The following PCDHGB4 variants were observed in gnomAD, a reference collection of about 807,000 sequenced individuals.
PCDHGB4 encodes the protein protocadherin gamma subfamily B, 4, also known as protocadherin gamma-B4.
In PCDHGB4, 38 loss-of-function variants were observed where a neutral mutation model predicts 60.5. The ratio of observed to expected loss-of-function variants is 0.63; its 90% CI spans 0.48 to 0.82. The LOEUF (loss-of-function observed/expected upper bound fraction) is 0.82, where lower values mean the gene tolerates loss of function less well. Ranked by LOEUF, PCDHGB4 falls within the 40% of genes least tolerant of loss-of-function variation. PCDHGB4 has a pLI of 0.00. For synonymous variants in PCDHGB4, 456 were observed against 509.7 expected (o/e 0.89, Z 1.42); for missense variants, 1,109 against 1,209.6 (o/e 0.92, Z 1.23).
chr5:141,400,232 C>T (rs2093984634), intron 1 of PCDHGB4: 1 of 1,614,032 alleles, frequency 6.2e-7, no homozygotes. Context: ...TTCCTCCTGG[C>T]CGTGATTCTG....
chr5:141,511,082 C>T lies in PCDHGB4; in HGVS notation c.2681C>T (p.Thr894Ile). Residue 894 changes from threonine to isoleucine, a missense_variant, in exon 4 of 4, where the codon ACA (threonine) becomes ATA (isoleucine). By Grantham distance (89) the Thr-to-Ile change is moderately conservative. This residue lies in a region of PCDHGB4 where 1,068 missense variants were observed against 1,089.9 expected (regional missense o/e 0.98). Transcript: ENST00000519479. ...QNVYIPGSNA[T>I]LTNAAGKRDG... ...GTCTACATCCCAGGCAGCAATGCCA[C>T]ACTGACCAACGCAGCTGGCAAGCGG... 1 of 1,614,224 alleles carries T rather than the reference C, an allele frequency of 6.2e-7. No individual in the cohort carries two copies. Among genetic ancestry groups the T allele is most frequent in the Non-Finnish European group, 8.5e-7 (1 of 1,180,028 alleles).
chr5:141,388,701 G>A lies in PCDHGB4; in HGVS notation c.817G>A (p.Val273Ile). 1.9e-6 allele frequency: 3 copies of A among 1,613,986 alleles called. No homozygotes were observed. Among genetic ancestry groups the A allele is most frequent in the South Asian group, 1.1e-5 (1 of 91,082 alleles). Reference sequence around the variant, plus strand: ...GACTGCCACGGACCAGGATGAGGGTGTCAATGCCGAGATTACTTTCTCTTT... The same window carrying A: ...GACTGCCACGGACCAGGATGAGGGTATCAATGCCGAGATTACTTTCTCTTT... ...QVTATDQDEGVNAEITFSFSE... is the reference protein window; with the variant it reads ...QVTATDQDEGINAEITFSFSE... Residue 273 changes from valine (V) to isoleucine (I), a missense_variant, in exon 1 of 4, where the codon GTC (valine) becomes ATC (isoleucine). Physicochemically the swap from Val to Ile is conservative, Grantham distance 29 (BLOSUM62 3). Transcript: ENST00000519479.
intron 1 of PCDHGB4, chr5:141,399,854 G>T (rs747617678): frequency 6.2e-7 from 1 of 1,612,904 alleles, no homozygotes; most frequent in Non-Finnish European, 8.5e-7. Flanking sequence ...ATGGTGCCGC[G>T]CGCTGCAGAG....
At chr5:141,444,873 C>T (rs1298516499) in intron 1 of PCDHGB4, among the ~76,000 whole-genome samples, 1 of 152,080 alleles carries the variant, frequency 6.6e-6, no homozygotes, top group African/African-American at 2.4e-5. Flanking sequence ...CAGGACAAAG[C>T]TTGTAGGATT....
At chr5:141,428,004 G>A in intron 1 of PCDHGB4, 1 of 1,601,732 alleles carries the variant, frequency 6.2e-7, no homozygotes, top group Non-Finnish European at 8.5e-7. Flanking sequence ...CGCACTCTTC[G>A]ATATAGTGCC....
At chr5:141,395,586 G>C (rs1222744910) in intron 1 of PCDHGB4, 1 of 169,736 alleles carries the variant, frequency 5.9e-6, no homozygotes, top group African/African-American at 2.8e-5. Context: ...GTGTGTGTGT[G>C]TGTGTATCCC....
At position 141,404,471 on chromosome 5, in the gene PCDHGB4, A is replaced by G. The variant is rs200620626; in HGVS notation, c.2397+14190A>G. ...GTCTCCTCTCTCCACCTATGTCTCT[A>G]TTAACTCAGACACTGGTGTGCTGTA... On this transcript the variant is annotated intron_variant, in intron 1 of 3. Coordinates refer to ENST00000519479, the MANE Select transcript of PCDHGB4 (RefSeq NM_003736.4). 307 of 1,613,160 alleles carry G rather than the reference A, an allele frequency of 1.9e-4. No homozygotes were observed. Among genetic ancestry groups the G allele is most frequent in the Non-Finnish European group, 2.5e-4 (293 of 1,179,322 alleles).
chr5:141,405,339 A>T (rs980651625), intron 1 of PCDHGB4: 12 of 1,614,060 alleles, frequency 7.4e-6, no homozygotes, highest in Non-Finnish European at 1.0e-5. Context: ...GTCTCTGTTG[A>T]TTCCAAGTTT....
chr5:141,421,464 T>A lies in PCDHGB4; in HGVS notation c.2397+31183T>A, dbSNP rs773727821. ...GGAAGACACAGCTTTTCGCTGTGAA[T>A]CCGCGAAGCGGCAGCTTGATCACGG... On this transcript the variant is annotated intron_variant, in intron 1 of 3. Transcript: ENST00000519479. 17 of 1,613,972 alleles carry A rather than the reference T, an allele frequency of 1.1e-5. No individual in the cohort carries two copies. In the East Asian group the frequency reaches 3.6e-4, roughly 34 times the overall value.
In PCDHGB4 at chr5:141,477,250, C is replaced by G; in HGVS notation, c.2398-17557C>G. 6.2e-7 allele frequency: 1 copy of G among 1,614,190 alleles called. No homozygotes were observed. The highest frequency in any genetic ancestry group is 8.5e-7 in the Non-Finnish European group (1 of 1,180,040). On this transcript the variant is annotated intron_variant, in intron 1 of 3. Coordinates refer to ENST00000519479, the MANE Select transcript of PCDHGB4 (RefSeq NM_003736.4). The surrounding 1 kb of genome is among the most constrained non-coding windows in gnomAD (Gnocchi z 4.9). ...TCATCGCTTTGCTCAGTGTGACTGA[C>G]CTGGATGCTGGCGAGAACGGGCTGG...
chr5:141,442,561 G>C (rs2098332268), intron 1 of PCDHGB4: 1 of 152,198 alleles, frequency 6.6e-6, no homozygotes, highest in African/African-American at 2.4e-5. Context: ...ACTAAGTTCA[G>C]TCACAAGCAG....
chr5:141,481,880 C>CTCCA (rs1483509373), intron 1 of PCDHGB4, among the ~76,000 whole-genome samples: 1 of 145,300 alleles, frequency 6.9e-6, no homozygotes, highest in Non-Finnish European at 1.5e-5. Context: ...CGCCACTGCA[C>CTCCA]TCCAGCCTGG....
At chr5:141,427,092 G>T in intron 1 of PCDHGB4, 1 of 458,134 alleles carries the variant, frequency 2.2e-6, no homozygotes, top group Non-Finnish European at 4.4e-6. Flanking sequence ...CCAGGATGAG[G>T]GTGTCAATGC....
At chr5:141,409,735 C>T (rs763035733) in intron 1 of PCDHGB4, 1 of 1,613,006 alleles carries the variant, frequency 6.2e-7, no homozygotes, top group Admixed American at 1.7e-5. Context: ...GCGCGCAGAG[C>T]GGGGTGGTGT....
chr5:141,438,754 T>C (rs1213047429), intron 1 of PCDHGB4, among the ~76,000 whole-genome samples: 3 of 148,368 alleles, frequency 2.0e-5, no homozygotes, highest in African/African-American at 5.0e-5. Context: ...CTCTGCCTCC[T>C]GGGTTCAAGC....
Position 141,432,390 on chromosome 5 carries a change from G to A in PCDHGB4, c.2397+42109G>A. The A allele has an allele frequency of 6.2e-7, 1 of 1,614,256 alleles. No homozygotes were observed. The highest frequency in any genetic ancestry group is 8.5e-7 in the Non-Finnish European group (1 of 1,180,046). On this transcript the variant is annotated intron_variant, in intron 1 of 3. Transcript: ENST00000519479. This position sits in a 1 kb window ranked among gnomAD's most constrained non-coding sequence, Gnocchi z 6.0. ...GACAACGGGCACCCGCCCCTCAGCA[G>A]CAACGTGTCGTTGAGCCTGTTCGTG... is the stretch of plus-strand genomic sequence containing the variant.
chr5:141,433,358 C>CCTATCTAT (rs3074541), intron 1 of PCDHGB4: 29,853 of 503,480 alleles, frequency 0.059, 1,017 homozygotes, highest in East Asian at 0.071. Context: ...CTACTGTCTG[C>CCTATCTAT]CTATCTATCT....
chr5:141,501,290 TAC>T (rs55762287), intron 2 of PCDHGB4, among the ~76,000 whole-genome samples: 11,544 of 136,022 alleles, frequency 0.085, 708 homozygotes, highest in East Asian at 0.37. Context: ...TATTCCCTTA[TAC>T]ACACACACAC....
At position 141,432,299 on chromosome 5, in the gene PCDHGB4, C is replaced by G; in HGVS notation, c.2397+42018C>G. ...GTCCATCAACTCCGACACTGGGGTA[C>G]TGTATGCGCTGAGCTCCTTCGACTA... is the stretch of plus-strand genomic sequence containing the variant. On this transcript the variant is annotated intron_variant, in intron 1 of 3. Transcript: ENST00000519479. This position sits in a 1 kb window ranked among gnomAD's most constrained non-coding sequence, Gnocchi z 6.0. The G allele has an allele frequency of 2.5e-6, 4 of 1,614,278 alleles. No homozygotes were observed. The highest frequency in any genetic ancestry group is 3.4e-6 in the Non-Finnish European group (4 of 1,180,056).
Sources: allele counts gnomAD v4.1 joint callset (sites outside exome capture counted in the v4.1 genomes callset), GRCh38; gene constraint gnomAD v4.1.1; regional missense constraint gnomAD v4.1.1; non-coding constraint Gnocchi (gnomAD v3.1); transcripts MANE v1.5; gene names NCBI Gene and HGNC (gene_info 2026-07-23, HGNC 2026-07-21).